Variants in MPRIP observed in about 807,000 individuals in gnomAD.
MPRIP encodes the protein myosin phosphatase Rho interacting protein, also known as myosin phosphatase Rho-interacting protein.
In MPRIP, 59 loss-of-function variants were observed where a neutral mutation model predicts 234.9. The observed-to-expected ratio is 0.25, with a 90% CI of 0.20 to 0.31. The LOEUF (loss-of-function observed/expected upper bound fraction) is 0.31, where lower values mean the gene tolerates loss of function less well. Ranked by LOEUF, MPRIP falls within the 10% of genes least tolerant of loss-of-function variation. The probability of loss-of-function intolerance (pLI) is 1.00; values close to 1 mark genes in which losing one functional copy is unlikely to be tolerated. For missense variants in MPRIP, 2,436 were observed against 3,071.0 expected, an observed-to-expected ratio of 0.79 and a Z score of 4.89; for synonymous variants, 1,144 against 1,263.9, an observed-to-expected ratio of 0.91 and a Z score of 2.01.
At chr17:17,123,704 A>C (rs1597843552) in intron 3 of MPRIP, among the ~76,000 whole-genome samples, 1 of 98,226 alleles carries the variant, frequency 1.0e-5, no homozygotes, top group East Asian at 3.0e-4. Flanking sequence ...ACTTCGTCTC[A>C]AAAAAAAAAA....
chr17:17,170,374 C>G (rs916947212), intron 16 of MPRIP, among the ~76,000 whole-genome samples: 4 of 152,102 alleles, frequency 2.6e-5, no homozygotes, highest in Non-Finnish European at 4.4e-5. Context: ...CAGAAAGAGA[C>G]AGATGCTTCC....
chr17:17,057,549 G>T, intron 1 of MPRIP: 1 of 715,112 alleles, frequency 1.4e-6, no homozygotes. Flanking sequence ...GTGGTCCCCA[G>T]AGGACCTTGG....
At chr17:17,098,450 G>A (rs748540572) in intron 3 of MPRIP, among the ~76,000 whole-genome samples, 4 of 152,152 alleles carry the variant, frequency 2.6e-5, no homozygotes, top group Non-Finnish European at 5.9e-5. Context: ...GCTAGGGGAG[G>A]AAATGAGATC....
At chr17:17,058,198 G>A (rs969885794) in intron 1 of MPRIP, among the ~76,000 whole-genome samples, 14 of 152,162 alleles carry the variant, frequency 9.2e-5, no homozygotes, top group African/African-American at 3.4e-4. Context: ...GCTCAGGGAC[G>A]TTAGTCCTGT....
intron 1 of MPRIP, among the ~76,000 whole-genome samples, chr17:17,073,224 C>G (rs1424001687): frequency 1.3e-5 from 2 of 152,070 alleles, no homozygotes; most frequent in Non-Finnish European, 2.9e-5. Flanking sequence ...ACATCTCGCT[C>G]TCTGCTCTGT....
chr17:17,178,805 G>T (rs552519869), intron 22 of MPRIP: 1 of 151,648 alleles, frequency 6.6e-6, no homozygotes, highest in Non-Finnish European at 1.5e-5. Context: ...TAGTCCCAGC[G>T]CTACTTGGGA....
At chr17:17,152,760 G>A (rs2045630577) in intron 12 of MPRIP, among the ~76,000 whole-genome samples, 1 of 152,212 alleles carries the variant, frequency 6.6e-6, no homozygotes, top group South Asian at 2.1e-4. Context: ...TGTCTGGCGG[G>A]ACATGCAGGT....
intron 2 of MPRIP, among the ~76,000 whole-genome samples, chr17:17,076,592 TA>T (rs1378660142): frequency 2.6e-5 from 4 of 152,178 alleles, no homozygotes; most frequent in Non-Finnish European, 4.4e-5. Flanking sequence ...AGGCTGCACA[TA>T]AGGCCCTTGG....
chr17:17,129,683 C>CCCT (rs58453231), intron 4 of MPRIP, among the ~76,000 whole-genome samples: 8,716 of 152,296 alleles, frequency 0.057, 781 homozygotes, highest in African/African-American at 0.19. Flanking sequence ...CAGCCTTCTC[C>CCCT]CCTCCCCTCC....
In MPRIP at chr17:17,167,327, G is replaced by C; in HGVS notation, c.5736G>C (p.Glu1912Asp). The change falls in exon 16 of 24, where the codon GAG becomes GAC. Residue 1912 changes from glutamate to aspartate, a missense_variant. This residue lies in a region of MPRIP where 1,998 missense variants were observed against 2,520.3 expected (regional missense o/e 0.79). Coordinates refer to ENST00000651222, the MANE Select transcript of MPRIP (RefSeq NM_001364716.4). This position sits in a 1 kb window ranked among gnomAD's most constrained non-coding sequence, Gnocchi z 5.9. ...ATGTGATCGCCATTGTTGAAAGGGA[G>C]AATGCAGAGCTCAAGGCCAAGGCCG... ...YLDVIAIVER[E>D]NAELKAKAAQ... is the part of the protein sequence containing the mutation. The C allele has an allele frequency of 7.7e-7, 1 of 1,304,142 alleles. No homozygotes were observed. The highest frequency in any genetic ancestry group is 1.2e-5 in the South Asian group (1 of 81,022). 80.8% of individuals were successfully genotyped at this position (1,304,142 alleles called of 1,614,324 possible).
At chr17:17,074,244 C>T (rs1018993340) in intron 1 of MPRIP, among the ~76,000 whole-genome samples, 1 of 152,198 alleles carries the variant, frequency 6.6e-6, no homozygotes, top group African/African-American at 2.4e-5. Flanking sequence ...TACCGCCCTC[C>T]GAAAGGCACT....
chr17:17,143,508 C>A, intron 8 of MPRIP, 48 bp from the exon 9 acceptor site: 1 of 1,292,958 alleles, frequency 7.7e-7, no homozygotes, highest in Middle Eastern at 1.9e-4. Flanking sequence ...CCCTCACATG[C>A]CCACATTGCC....
intron 3 of MPRIP, among the ~76,000 whole-genome samples, chr17:17,087,739 T>C (rs1212068484): frequency 6.6e-6 from 1 of 152,194 alleles, no homozygotes; most frequent in African/African-American, 2.4e-5. Flanking sequence ...ACATGTTGGT[T>C]GGCTGGCGAA....
At chr17:17,091,316 A>G (rs370286518) in intron 3 of MPRIP, among the ~76,000 whole-genome samples, 38 of 152,246 alleles carry the variant, frequency 2.5e-4, no homozygotes, top group African/African-American at 9.1e-4. Flanking sequence ...CATCTAGTCC[A>G]GCCCTCACCT....
At chr17:17,119,585 G>A (rs2090350009) in intron 3 of MPRIP, among the ~76,000 whole-genome samples, 1 of 152,210 alleles carries the variant, frequency 6.6e-6, no homozygotes, top group Non-Finnish European at 1.5e-5. Context: ...CCTGCCTCCT[G>A]AAGCTGTCAT....
chr17:17,103,766 T>G (rs761327688), intron 3 of MPRIP, among the ~76,000 whole-genome samples: 3 of 152,202 alleles, frequency 2.0e-5, no homozygotes, highest in Non-Finnish European at 4.4e-5. Flanking sequence ...GAAAACAGAT[T>G]GGTTTTAAAA....
chr17:17,057,532 C>A, intron 1 of MPRIP: 1 of 706,772 alleles, frequency 1.4e-6, no homozygotes. Flanking sequence ...GCCCACAGAG[C>A]CCCACAGTGG....
intron 3 of MPRIP, among the ~76,000 whole-genome samples, chr17:17,124,787 C>G (rs959800779): frequency 2.6e-5 from 4 of 152,164 alleles, no homozygotes; most frequent in African/African-American, 9.7e-5. Context: ...TCAGAGCAAC[C>G]CTTCATTTGC....
At chr17:17,145,395 G>A (rs1372154143) in intron 9 of MPRIP, among the ~76,000 whole-genome samples, 1 of 152,262 alleles carries the variant, frequency 6.6e-6, no homozygotes, top group East Asian at 1.9e-4. Flanking sequence ...AGATGGCAGT[G>A]CTGTCTCAGG....
Sources: allele counts gnomAD v4.1 joint callset (sites outside exome capture counted in the v4.1 genomes callset), GRCh38; gene constraint gnomAD v4.1.1; regional missense constraint gnomAD v4.1.1; non-coding constraint Gnocchi (gnomAD v3.1); transcripts MANE v1.5; gene names NCBI Gene and HGNC (gene_info 2026-07-23, HGNC 2026-07-21).